INSC: variants seen among roughly 807,000 people sequenced by gnomAD.
The protein encoded by INSC is INSC spindle orientation adaptor protein.
In INSC, 67 loss-of-function variants were observed where a neutral mutation model predicts 58.6. The ratio of observed to expected loss-of-function variants is 1.14; its 90% CI spans 0.94 to 1.40. The LOEUF is 1.40. Ranked by LOEUF, INSC falls within the 40% of genes most tolerant of loss-of-function variation. The probability of loss-of-function intolerance (pLI) is 0.00; values close to 1 mark genes in which losing one functional copy is unlikely to be tolerated. For missense variants in INSC, 714 were observed against 692.0 expected, an observed-to-expected ratio of 1.03 and a Z score of -0.36; for synonymous variants, 262 against 276.1, an observed-to-expected ratio of 0.95 and a Z score of 0.51.
intron 11 of INSC, among the ~76,000 whole-genome samples, chr11:15,239,619 A>T (rs1225455176): frequency 6.6e-6 from 1 of 152,184 alleles, no homozygotes; most frequent in Non-Finnish European, 1.5e-5. Flanking sequence ...TGGATATGAC[A>T]TTGTCCTGAC....
rs951350510 is a variant in INSC, at chr11:15,235,673, G to T, written c.1237+5G>T. ...CTGACATCATTCAGGAAAATGGTAT[G>T]TCTTTGCAGCATTGTACATGTTATG... On this transcript the variant is annotated splice_donor_5th_base_variant and intron_variant, in intron 10 of 12. Coordinates refer to ENST00000379556, the MANE Select transcript of INSC (RefSeq NM_001042536.3). The T allele has an allele frequency of 6.2e-7, 1 of 1,610,332 alleles. No individual in the cohort carries two copies. Among genetic ancestry groups the T allele is most frequent in the Admixed American group, 1.7e-5 (1 of 60,010 alleles).
chr11:15,162,551 A>T (rs1849055547), intron 2 of INSC, among the ~76,000 whole-genome samples: 1 of 152,144 alleles, frequency 6.6e-6, no homozygotes, highest in Non-Finnish European at 1.5e-5. Context: ...TCTGCTTTTA[A>T]CATACTGTAT....
chr11:15,209,263 C>T (rs1396225261), intron 7 of INSC, among the ~76,000 whole-genome samples: 2 of 152,206 alleles, frequency 1.3e-5, no homozygotes, highest in Non-Finnish European at 2.9e-5. Context: ...TTGCACCCCT[C>T]TGAGCCCCAT....
At chr11:15,116,863 C>CTTTCTTTCTTTCTTTCTTTCTT (rs1847722236) in intron 1 of INSC, among the ~76,000 whole-genome samples, 2 of 43,712 alleles carry the variant, frequency 4.6e-5, no homozygotes, top group Non-Finnish European at 8.8e-5. Flanking sequence ...CTCTCTCTCT[C>CTTTCTTTCTTTCTTTCTTTCTT]TCTCTCTCTC....
chr11:15,181,620 G>A (rs1849782797), intron 5 of INSC, among the ~76,000 whole-genome samples: 3 of 152,146 alleles, frequency 2.0e-5, no homozygotes, highest in Admixed American at 6.5e-5. Context: ...TGAAGTGATT[G>A]TATTAACCCA....
chr11:15,158,860 GTTTTT>G (rs529518368), intron 2 of INSC, among the ~76,000 whole-genome samples: 15 of 109,704 alleles, frequency 1.4e-4, no homozygotes, highest in South Asian at 3.2e-4. Flanking sequence ...ATTGTTGGTG[GTTTTT>G]TTTTTTTTTT....
At chr11:15,181,522 C>G (rs1714360) in intron 5 of INSC, among the ~76,000 whole-genome samples, 109,834 of 151,982 alleles carry the variant, frequency 0.72, 40,678 homozygotes, top group East Asian at 0.99. Context: ...GTTGTACAGA[C>G]AGCCTGGACT....
At chr11:15,157,421 G>C (rs148493127) in intron 2 of INSC, among the ~76,000 whole-genome samples, 1 of 152,136 alleles carries the variant, frequency 6.6e-6, no homozygotes, top group Non-Finnish European at 1.5e-5. Flanking sequence ...TCAGTTGTTC[G>C]TACTTGCAAA....
chr11:15,257,048 T>A, the INSC span, among the ~76,000 whole-genome samples: 1 of 152,222 alleles, frequency 6.6e-6, no homozygotes, highest in African/African-American at 2.4e-5. Context: ...TAATGGTATT[T>A]TCCAACATTT....
chr11:15,158,917 G>A (rs1478416631), intron 2 of INSC, among the ~76,000 whole-genome samples: 1 of 138,072 alleles, frequency 7.2e-6, no homozygotes, highest in African/African-American at 2.8e-5. Context: ...TATGAAGGCT[G>A]GAATTTTCTC....
intron 7 of INSC, among the ~76,000 whole-genome samples, chr11:15,202,598 T>A (rs16931191): frequency 0.047 from 7,218 of 152,286 alleles, 247 homozygotes; most frequent in Admixed American, 0.11. Context: ...AACTTGTCCT[T>A]CCTTGGATAG....
At chr11:15,228,777 G>A (rs998267916) in intron 9 of INSC, among the ~76,000 whole-genome samples, 4 of 152,172 alleles carry the variant, frequency 2.6e-5, no homozygotes, top group Admixed American at 2.6e-4. Context: ...CATCATCCTG[G>A]CAAGCCAGGT....
In INSC at chr11:15,200,957, C is replaced by G. The variant is rs1324098805; in HGVS notation, c.819+8C>G. On this transcript the variant is annotated splice_region_variant and intron_variant, in intron 7 of 12. Coordinates refer to ENST00000379556, the MANE Select transcript of INSC (RefSeq NM_001042536.3). ...GTCCACCAGCTGGAGAAGGTAAGGACAGCTGGCTGGGTGGTGCCTGAGGTC... is the reference window on the plus strand; with the variant it reads ...GTCCACCAGCTGGAGAAGGTAAGGAGAGCTGGCTGGGTGGTGCCTGAGGTC... The G allele has an allele frequency of 1.3e-6, 2 of 1,592,672 alleles. No homozygotes were observed. Among genetic ancestry groups the G allele is most frequent in the East Asian group, 2.3e-5 (1 of 43,734 alleles).
At chr11:15,229,963 TATA>T (rs1157436295) in intron 9 of INSC, among the ~76,000 whole-genome samples, 1 of 27,788 alleles carries the variant, frequency 3.6e-5, no homozygotes, top group African/African-American at 2.5e-4. Flanking sequence ...TATATATTTA[TATA>T]TATATATATA....
At chr11:15,133,389 A>G (rs1848168502) in intron 1 of INSC, among the ~76,000 whole-genome samples, 1 of 152,248 alleles carries the variant, frequency 6.6e-6, no homozygotes, top group African/African-American at 2.4e-5. Context: ...TTGTTCTTCG[A>G]AAATGTTTCC....
chr11:15,235,625 G>C lies in INSC; in HGVS notation c.1194G>C (p.Met398Ile). 3 of 1,614,090 alleles carry C rather than the reference G, an allele frequency of 1.9e-6. No homozygotes were observed. The highest frequency in any genetic ancestry group is 1.3e-5 in the African/African-American group (1 of 75,056). Residue 398 changes from methionine (M) to isoleucine (I), a missense_variant, in exon 10 of 13, where the codon ATG becomes ATC. By Grantham distance (10) the Met-to-Ile change is conservative. Transcript: ENST00000379556. ...RDQIVTILAN[M>I]SVLEQCASDI... is the part of the protein sequence containing the mutation. ...AGATTGTGACCATCTTGGCAAACAT[G>C]TCTGTCCTAGAACAGTGTGCCTCTG...
chr11:15,183,479 G>T (rs1849856388), intron 5 of INSC, among the ~76,000 whole-genome samples: 1 of 151,680 alleles, frequency 6.6e-6, no homozygotes, highest in South Asian at 2.1e-4. Context: ...TTGGAGGGAT[G>T]ATTATAAAAG....
chr11:15,187,888 T>C (rs1850030603), intron 5 of INSC, among the ~76,000 whole-genome samples: 1 of 152,176 alleles, frequency 6.6e-6, no homozygotes, highest in Non-Finnish European at 1.5e-5. Context: ...ATCACCTTGA[T>C]TTTGTAGAGA....
At chr11:15,217,822 G>A (rs1026192069) in intron 7 of INSC, among the ~76,000 whole-genome samples, 1 of 152,180 alleles carries the variant, frequency 6.6e-6, no homozygotes, top group East Asian at 1.9e-4. Flanking sequence ...GTGGAGACAT[G>A]CAGGTTAAAA....
Sources: allele counts gnomAD v4.1 joint callset (sites outside exome capture counted in the v4.1 genomes callset), GRCh38; gene constraint gnomAD v4.1.1; transcripts MANE v1.5; gene names NCBI Gene and HGNC (gene_info 2026-07-23, HGNC 2026-07-21).